The following PLAAT3 variants were observed in gnomAD, a reference collection of about 807,000 sequenced individuals.
PLAAT3 encodes phospholipase A and acyltransferase 3.
Under a neutral mutation model 16.7 loss-of-function variants are expected in PLAAT3, and 21 were observed. The observed-to-expected ratio is 1.26, with a 90% CI of 0.89 to 1.81. The LOEUF (loss-of-function observed/expected upper bound fraction) is 1.81, where lower values mean the gene tolerates loss of function less well. Among genes scored for constraint, PLAAT3 ranks in the 40% most tolerant of loss-of-function variants. The pLI, the probability that PLAAT3 is intolerant of heterozygous loss-of-function variation, is 0.00. For missense variants in PLAAT3, 219 were observed against 213.7 expected (o/e 1.02, Z -0.16); for synonymous variants, 76 against 81.7 (o/e 0.93, Z 0.38).
chr11:63,615,192 G>A (rs71462328), upstream of PLAAT3, among the ~76,000 whole-genome samples: 1 of 106,070 alleles, frequency 9.4e-6, no homozygotes, highest in African/African-American at 3.5e-5. Flanking sequence ...GTATATATAT[G>A]TGTGTATATA....
intron 2 of PLAAT3, among the ~76,000 whole-genome samples, chr11:63,600,522 A>G (rs1298862463): frequency 6.6e-6 from 1 of 152,080 alleles, no homozygotes; most frequent in African/African-American, 2.4e-5. Flanking sequence ...GACTAGCAAG[A>G]GGCGTGAGGG....
At chr11:63,614,094 T>G in intron 1 of PLAAT3, 26 bp from the exon 2 acceptor site, 1 of 1,609,486 alleles carries the variant, frequency 6.2e-7, no homozygotes, top group South Asian at 1.1e-5. Flanking sequence ...CAGGGATTTA[T>G]TGTCATTAAC....
chr11:63,598,555 G>A (rs1171124128), intron 2 of PLAAT3: 1 of 369,500 alleles, frequency 2.7e-6, no homozygotes, highest in East Asian at 7.3e-5. Flanking sequence ...TTATGGATGA[G>A]GAAATCAAGG....
chr11:63,613,027 C>T (rs1424920665), intron 2 of PLAAT3, among the ~76,000 whole-genome samples: 1 of 152,162 alleles, frequency 6.6e-6, no homozygotes. Context: ...TTTATATGGA[C>T]TGAGATAATA....
At chr11:63,575,215 G>A (rs2017643295) in intron 4 of PLAAT3, among the ~76,000 whole-genome samples, 169 bp from the exon 5 acceptor site, 1 of 152,204 alleles carries the variant, frequency 6.6e-6, no homozygotes, top group African/African-American at 2.4e-5. Flanking sequence ...AGGGCTGGAC[G>A]GGAAAAGAAT....
intron 2 of PLAAT3, among the ~76,000 whole-genome samples, chr11:63,603,874 G>C (rs1323008530): frequency 6.6e-6 from 1 of 152,100 alleles, no homozygotes; most frequent in East Asian, 1.9e-4. Flanking sequence ...TTTTTAGGCC[G>C]GGCACAGTGG....
At chr11:63,586,078 A>C (rs1288532072) in intron 4 of PLAAT3, among the ~76,000 whole-genome samples, 3 of 151,994 alleles carry the variant, frequency 2.0e-5, no homozygotes, top group African/African-American at 7.2e-5. Flanking sequence ...TCAGCCAGGC[A>C]TGGTGATGTG....
rs1183943312 is a variant in PLAAT3 at position 63,575,013 on chromosome 11, C to T, written c.421G>A (p.Gly141Arg). 1 of 1,613,568 alleles carries T rather than the reference C, an allele frequency of 6.2e-7. No individual in the cohort carries two copies. Among genetic ancestry groups the T allele is most frequent in the Admixed American group, 1.7e-5 (1 of 60,028 alleles). ...AGGCTCATGGCTGCCAAGCCCATTC[C>T]TGCAACGCTTGCAGCGATGATGACA... ...RDVIIAASVA[G>R]MGLAAMSLIG... The change falls in exon 5 of 5, where the codon GGA becomes AGA. Residue 141 changes from glycine (G) to arginine (R), a missense_variant. By Grantham distance (125) the Gly-to-Arg change is moderately radical. Transcript: ENST00000415826.
chr11:63,584,093 A>G (rs1937895602), intron 4 of PLAAT3, among the ~76,000 whole-genome samples: 1 of 152,232 alleles, frequency 6.6e-6, no homozygotes, highest in South Asian at 2.1e-4. Context: ...TACAAAAAAT[A>G]ATAAATCATT....
chr11:63,606,040 G>A (rs572656394), intron 2 of PLAAT3, among the ~76,000 whole-genome samples: 2 of 152,196 alleles, frequency 1.3e-5, no homozygotes, highest in East Asian at 3.9e-4. Context: ...CAGAAGAGGG[G>A]GTTGCTGACA....
At chr11:63,586,985 G>A (rs1937995462) in intron 4 of PLAAT3, among the ~76,000 whole-genome samples, 1 of 152,184 alleles carries the variant, frequency 6.6e-6, no homozygotes, top group Admixed American at 6.5e-5. Context: ...TCTGGAGGCT[G>A]AGGCAGAAGA....
rs145848770 is a variant in PLAAT3 at position 63,579,094 on chromosome 11, T to A, written c.388-4048A>T. ...GAACAGACACTTCTCAAAGGAGACA[T>A]TTATGCAGCCAAAAGACACATGAAA... On this transcript the variant is annotated intron_variant, in intron 4 of 4. Transcript: ENST00000415826. 5.6e-3 allele frequency among the ~76,000 whole-genome samples: 849 copies of A among 152,284 alleles called. 8 individuals are homozygous for A. The highest frequency in any genetic ancestry group is 0.02 in the African/African-American group (810 of 41,538).
At chr11:63,601,047 A>C (rs1938414757) in intron 2 of PLAAT3, among the ~76,000 whole-genome samples, 1 of 144,766 alleles carries the variant, frequency 6.9e-6, no homozygotes, top group African/African-American at 2.6e-5. Context: ...AATTAAACAA[A>C]AAAAAAAATT....
Position 63,575,819 on chromosome 11 carries a change from A to C in PLAAT3, c.388-773T>G, listed in dbSNP as rs566867911. On this transcript the variant is annotated intron_variant, in intron 4 of 4. Coordinates refer to ENST00000415826, the MANE Select transcript of PLAAT3 (RefSeq NM_001128203.2). ...AGGATAAACCCTAATTATATAAAAG[A>C]ATACTCCAAAAGGATCACATATTAA... Among the ~76,000 whole-genome samples the C allele has an allele frequency of 2.0e-5, 3 of 152,330 alleles. No individual in the cohort carries two copies. In the South Asian group the frequency reaches 6.2e-4, roughly 32 times the overall value.
intron 4 of PLAAT3, among the ~76,000 whole-genome samples, chr11:63,576,168 C>G (rs945580150): frequency 6.6e-6 from 1 of 152,204 alleles, no homozygotes; most frequent in Non-Finnish European, 1.5e-5. Flanking sequence ...GATACCAATA[C>G]TGGGAATTCC....
intron 1 of PLAAT3, 144 bp downstream of exon 1, chr11:63,614,241 G>A (rs1938773166): frequency 3.4e-6 from 2 of 595,826 alleles, no homozygotes; most frequent in Non-Finnish European, 5.9e-6. Flanking sequence ...GCGCCCAGGA[G>A]GCTGCAGGTG....
intron 4 of PLAAT3, among the ~76,000 whole-genome samples, chr11:63,586,079 T>C (rs139548367): frequency 2.0e-5 from 3 of 152,064 alleles, no homozygotes; most frequent in African/African-American, 7.2e-5. Flanking sequence ...CAGCCAGGCA[T>C]GGTGATGTGC....
intron 2 of PLAAT3, among the ~76,000 whole-genome samples, chr11:63,600,851 G>A (rs764894494): frequency 1.7e-4 from 26 of 151,516 alleles, no homozygotes; most frequent in South Asian, 4.2e-4. Flanking sequence ...TGATCCACCC[G>A]TCTCAGCCTC....
At chr11:63,584,505 T>G (rs940985235) in intron 4 of PLAAT3, among the ~76,000 whole-genome samples, 11 of 79,598 alleles carry the variant, frequency 1.4e-4, no homozygotes, top group African/African-American at 2.5e-4. Context: ...AACTTTTTTT[T>G]TTGTTTTTTT....
Sources: allele counts gnomAD v4.1 joint callset (sites outside exome capture counted in the v4.1 genomes callset), GRCh38; gene constraint gnomAD v4.1.1; transcripts MANE v1.5; gene names NCBI Gene and HGNC (gene_info 2026-07-23, HGNC 2026-07-21).